Variants in GPC3 observed in about 807,000 individuals in gnomAD.
GPC3 encodes glypican 3, also known as glypican-3.
In GPC3, 3 loss-of-function variants were observed where a neutral mutation model predicts 34.4. The ratio of observed to expected loss-of-function variants is 0.09; its 90% CI spans 0.04 to 0.23. The LOEUF is 0.23. Ranked by LOEUF, GPC3 falls within the 10% of genes least tolerant of loss-of-function variation. The pLI is 1.00. For missense variants in GPC3, 351 were observed against 445.6 expected, an observed-to-expected ratio of 0.79 and a Z score of 1.91; for synonymous variants, 177 against 174.0, an observed-to-expected ratio of 1.02 and a Z score of -0.13.
chrX:133,899,774 T>C (rs1421013686), intron 2 of GPC3, among the ~76,000 whole-genome samples: 1 of 111,245 alleles, frequency 9.0e-6, no homozygotes, highest in African/African-American at 3.3e-5. Context: ...AATGGTCTAA[T>C]GGTTTTTATT....
At chrX:133,977,988 A>T (rs779230534) in intron 1 of GPC3, among the ~76,000 whole-genome samples, 2 of 111,985 alleles carry the variant, frequency 1.8e-5, no homozygotes, top group African/African-American at 6.5e-5. Context: ...GCTGGAGTGC[A>T]GTGGTATGAT....
chrX:133,619,694 G>A (rs1254923757), intron 6 of GPC3, among the ~76,000 whole-genome samples: 1 of 111,256 alleles, frequency 9.0e-6, no homozygotes, highest in Admixed American at 9.6e-5. Flanking sequence ...GCATAATGGA[G>A]TTTCTTTTTG....
At chrX:133,653,282 A>T (rs2070620467) in intron 6 of GPC3, among the ~76,000 whole-genome samples, 3 of 111,819 alleles carry the variant, frequency 2.7e-5, no homozygotes, top group Non-Finnish European at 5.6e-5. Context: ...TAAAATAGGA[A>T]TGGGGGACTT....
rs762775690 is a variant in GPC3, at chrX:133,958,389, T to G, written c.176-5178A>C. Among the ~76,000 whole-genome samples the G allele has an allele frequency of 2.8e-5, 3 of 108,307 alleles. No homozygotes were observed. In the East Asian group the frequency reaches 8.7e-4, roughly 32 times the overall value. 94.1% of individuals were successfully genotyped at this position (108,307 alleles called of 115,157 possible). A position where few individuals can be genotyped will look rare whatever the true frequency, so the allele number is the denominator to read the frequency against. On this transcript the variant is annotated intron_variant, in intron 1 of 7. Transcript: ENST00000370818. Reference sequence around the variant, plus strand: ...GACCCCGTCTCTATAAAAAAATTTTTTTTTAATGTAACTAGGCATGGTAGT... The same window carrying G: ...GACCCCGTCTCTATAAAAAAATTTTGTTTTAATGTAACTAGGCATGGTAGT...
intron 4 of GPC3, among the ~76,000 whole-genome samples, chrX:133,696,392 C>A (rs764488148): frequency 2.2e-3 from 250 of 112,174 alleles, no homozygotes; most frequent in African/African-American, 7.8e-3. Flanking sequence ...TCTCATCTCT[C>A]CTCTTCTTTG....
chrX:133,830,678 C>CAAAAAAAA (rs1174232524), intron 2 of GPC3, among the ~76,000 whole-genome samples: 6 of 13,431 alleles, frequency 4.5e-4, no homozygotes, highest in East Asian at 5.0e-3. Flanking sequence ...GACTCCATCT[C>CAAAAAAAA]AAAAAAAAAA....
intron 7 of GPC3, among the ~76,000 whole-genome samples, chrX:133,589,654 T>C (rs888913334): frequency 9.0e-6 from 1 of 111,472 alleles, no homozygotes; most frequent in African/African-American, 3.3e-5. Context: ...GGTGTGCCTT[T>C]GCTCTCCCTT....
At chrX:133,589,330 G>A (rs1404350215) in intron 7 of GPC3, among the ~76,000 whole-genome samples, 2 of 111,158 alleles carry the variant, frequency 1.8e-5, no homozygotes, top group African/African-American at 6.6e-5. Flanking sequence ...CCGTTCTTGT[G>A]GTAGTGAATA....
intron 2 of GPC3, among the ~76,000 whole-genome samples, chrX:133,770,209 C>T (rs1034737554): frequency 4.5e-5 from 5 of 110,271 alleles, no homozygotes; most frequent in African/African-American, 1.7e-4. Context: ...CCCAGGAGGT[C>T]GAGGCTGCAG....
At chrX:133,549,093 C>A (rs73632097) in intron 7 of GPC3, among the ~76,000 whole-genome samples, 92 of 111,703 alleles carry the variant, frequency 8.2e-4, no homozygotes, top group Admixed American at 3.2e-3. Flanking sequence ...CACTGTCATC[C>A]TGGCTCCATC....
At chrX:133,569,079 G>A (rs1341851135) in intron 7 of GPC3, among the ~76,000 whole-genome samples, 2 of 111,069 alleles carry the variant, frequency 1.8e-5, no homozygotes, top group Non-Finnish European at 3.8e-5. Context: ...GGAGCAAGAG[G>A]ATCACTTGAA....
chrX:133,692,728 T>C (rs2071076785), intron 4 of GPC3, among the ~76,000 whole-genome samples: 1 of 112,255 alleles, frequency 8.9e-6, no homozygotes, highest in Admixed American at 9.4e-5. Flanking sequence ...ATCAGAAGGA[T>C]GATTTAATTC....
chrX:133,568,265 AC>A (rs1281146999), intron 7 of GPC3, among the ~76,000 whole-genome samples: 1 of 111,781 alleles, frequency 8.9e-6, no homozygotes. Flanking sequence ...GCACATCTCC[AC>A]CACATTCCCA....
At chrX:133,708,377 T>G (rs2071235894) in intron 3 of GPC3, among the ~76,000 whole-genome samples, 1 of 112,126 alleles carries the variant, frequency 8.9e-6, no homozygotes, top group African/African-American at 3.2e-5. Context: ...GCTTTATGAT[T>G]GATGCTGTTT....
At chrX:133,685,296 G>T (rs1047138060) in intron 5 of GPC3, among the ~76,000 whole-genome samples, 24 of 111,347 alleles carry the variant, frequency 2.2e-4, no homozygotes, top group Non-Finnish European at 4.1e-4. Context: ...GGTGTTCATG[G>T]TTCTCTCATA....
At chrX:133,617,141 G>A (rs1345865917) in intron 6 of GPC3, among the ~76,000 whole-genome samples, 1 of 111,671 alleles carries the variant, frequency 9.0e-6, no homozygotes, top group Non-Finnish European at 1.9e-5. Flanking sequence ...TGACAAAAGT[G>A]AACCCTACAA....
At chrX:133,770,974 G>T (rs1029765223) in intron 2 of GPC3, among the ~76,000 whole-genome samples, 1 of 111,632 alleles carries the variant, frequency 9.0e-6, no homozygotes, top group Non-Finnish European at 1.9e-5. Context: ...ATCAGAGGAA[G>T]ATAACTCCAT....
chrX:133,720,748 T>C (rs1019576410), intron 3 of GPC3, among the ~76,000 whole-genome samples: 1 of 111,341 alleles, frequency 9.0e-6, no homozygotes, highest in African/African-American at 3.3e-5. Flanking sequence ...GCAAGCTGGA[T>C]GGAAATAAAG....
At chrX:133,683,882 A>G (rs2124422303) in intron 5 of GPC3, among the ~76,000 whole-genome samples, 1 of 112,129 alleles carries the variant, frequency 8.9e-6, no homozygotes, top group South Asian at 3.8e-4. Context: ...TCTAAGATAA[A>G]TCGCTGCTGA....
Sources: gnomAD v4.1 joint callset for allele counts (sites outside exome capture counted in the v4.1 genomes callset) on GRCh38, gnomAD v4.1.1 for gene constraint, MANE v1.5 for transcripts, NCBI Gene and HGNC (gene_info 2026-07-23, HGNC 2026-07-21) for gene names.